SEC63: variants seen among roughly 807,000 people sequenced by gnomAD.
SEC63 encodes the protein SEC63 protein translocation regulator.
In SEC63, 56 loss-of-function variants were observed where a neutral mutation model predicts 116.2. That is an observed-to-expected ratio of 0.48 (90% CI 0.39 to 0.60). The LOEUF (loss-of-function observed/expected upper bound fraction) is 0.60. Ranked by LOEUF, SEC63 falls within the 20% of genes least tolerant of loss-of-function variation. The pLI is 0.00. For missense variants in SEC63, 668 were observed against 900.0 expected, an observed-to-expected ratio of 0.74 and a Z score of 3.30; for synonymous variants, 273 against 294.6, an observed-to-expected ratio of 0.93 and a Z score of 0.75.
Position 107,958,202 on chromosome 6 carries a change from G to A in SEC63, c.-193C>T. Reference sequence around the variant, plus strand: ...GCTGCCGCCGCCGTCGCCAGCTCTCGCGAGAGGAGATAGTTCCCGCCCCGC... The same window carrying A: ...GCTGCCGCCGCCGTCGCCAGCTCTCACGAGAGGAGATAGTTCCCGCCCCGC... On this transcript the variant is annotated 5_prime_UTR_variant, in exon 1 of 21. Transcript: ENST00000369002. The A allele has an allele frequency of 2.6e-6, 2 of 775,928 alleles. No homozygotes were observed. Among genetic ancestry groups the A allele is most frequent in the East Asian group, 2.8e-5 (1 of 36,254 alleles). 48.1% of individuals were successfully genotyped at this position (775,928 alleles called of 1,614,324 possible).
At chr6:107,901,139 A>G (rs912424100) in intron 13 of SEC63, among the ~76,000 whole-genome samples, 2 of 152,248 alleles carry the variant, frequency 1.3e-5, no homozygotes, top group African/African-American at 4.8e-5. Context: ...CAGAGTGTTC[A>G]GACTTCATCC....
At chr6:107,875,666 C>CTCCAA (rs1045120304) in intron 19 of SEC63, among the ~76,000 whole-genome samples, 5 of 152,068 alleles carry the variant, frequency 3.3e-5, no homozygotes, top group Non-Finnish European at 5.9e-5. Context: ...TACCACTGCA[C>CTCCAA]TCCAGCCTGG....
At chr6:107,902,706 A>G (rs1011658011) in intron 12 of SEC63, 138 bp downstream of exon 12, 7 of 809,200 alleles carry the variant, frequency 8.7e-6, no homozygotes, top group South Asian at 1.6e-5. Context: ...GAACCACCTG[A>G]GAGAAAGTTT....
rs1786035942 is a variant in SEC63 at position 107,868,096 on chromosome 6, A to G, written c.*3608T>C. The G allele has an allele frequency of 7.1e-6, 1 of 141,066 alleles. No homozygotes were observed. Among genetic ancestry groups the G allele is most frequent in the Non-Finnish European group, 1.5e-5 (1 of 65,582 alleles). The allele number at this position is 141,066 out of a possible 1,614,324, so 8.7% of individuals were successfully genotyped here. A position where few individuals can be genotyped will look rare whatever the true frequency, so the allele number is the denominator to read the frequency against. On this transcript the variant is annotated 3_prime_UTR_variant, in exon 21 of 21. Transcript: ENST00000369002. ...ATGCTTGGTGCTAACTTCTTGAGAC[A>G]TATTTGGACTAATCACTACACAGCT...
intron 16 of SEC63, among the ~76,000 whole-genome samples, chr6:107,887,611 G>T (rs1350064043): frequency 2.6e-5 from 4 of 151,702 alleles, no homozygotes; most frequent in South Asian, 2.1e-4. Flanking sequence ...GGTGGGGGAA[G>T]GGGGGAGGGA....
chr6:107,903,118 A>G lies in SEC63; in HGVS notation c.1055-120T>C, dbSNP rs1030212869. The G allele has an allele frequency of 1.4e-5, 14 of 1,012,920 alleles. No individual in the cohort carries two copies. In the East Asian group the frequency reaches 3.6e-4, roughly 26 times the overall value. The allele number at this position is 1,012,920 out of a possible 1,614,324, so 62.7% of individuals were successfully genotyped here. Reference sequence around the variant, plus strand: ...ATAACACCTCAAATTTGAGGATCATAGTAAGATTTTCCTTTAAAAGTTACC... The same window carrying G: ...ATAACACCTCAAATTTGAGGATCATGGTAAGATTTTCCTTTAAAAGTTACC... On this transcript the variant is annotated intron_variant, in intron 11 of 20. Coordinates refer to ENST00000369002, the MANE Select transcript of SEC63 (RefSeq NM_007214.5).
At chr6:107,927,326 A>G (rs1200386795) in intron 2 of SEC63, among the ~76,000 whole-genome samples, 3 of 152,140 alleles carry the variant, frequency 2.0e-5, no homozygotes, top group Non-Finnish European at 2.9e-5. Flanking sequence ...TCGGCCTCCC[A>G]AAGTGCTCGG....
chr6:107,905,466 G>A (rs77380705), intron 10 of SEC63, among the ~76,000 whole-genome samples: 1 of 152,214 alleles, frequency 6.6e-6, no homozygotes, highest in African/African-American at 2.4e-5. Context: ...CATTCAAAAA[G>A]AACATTTATT....
At chr6:107,894,256 C>T (rs1786762492) in intron 14 of SEC63, among the ~76,000 whole-genome samples, 1 of 152,138 alleles carries the variant, frequency 6.6e-6, no homozygotes, top group African/African-American at 2.4e-5. Flanking sequence ...TGCATTAAAA[C>T]CTTGACAATA....
chr6:107,910,173 A>G (rs1787242539), intron 7 of SEC63, among the ~76,000 whole-genome samples: 1 of 152,204 alleles, frequency 6.6e-6, no homozygotes, highest in Non-Finnish European at 1.5e-5. Context: ...AACTTTAAAT[A>G]TATCTGTGTC....
At chr6:107,932,561 A>AAT (rs1197727216) in intron 1 of SEC63, among the ~76,000 whole-genome samples, 4 of 152,210 alleles carry the variant, frequency 2.6e-5, no homozygotes, top group Non-Finnish European at 5.9e-5. Context: ...TGAATAAGTT[A>AAT]ATATATTAAA....
chr6:107,908,997 G>A lies in SEC63; in HGVS notation c.663C>T (p.Asp221=), dbSNP rs1359233078. ...TCTGTGTTGTGCGTATTAGAATCTG[G>A]TCTCCACTATAGCGTATTGAGCGAT... is the stretch of plus-strand genomic sequence containing the variant. The part of the protein sequence containing the change: ...WWYRSIRYSG[D]QILIRTTQIY... The change falls in exon 8 of 21, where the codon GAC becomes GAT. Residue 221 remains aspartate, a synonymous_variant. Coordinates refer to ENST00000369002, the MANE Select transcript of SEC63 (RefSeq NM_007214.5). The A allele has an allele frequency of 3.7e-6, 6 of 1,612,966 alleles. No individual in the cohort carries two copies. In the South Asian group the frequency reaches 6.6e-5, roughly 18 times the overall value.
intron 1 of SEC63, among the ~76,000 whole-genome samples, chr6:107,946,083 T>G (rs149805990): frequency 0.015 from 2,237 of 151,722 alleles, 66 homozygotes; most frequent in African/African-American, 0.051. Flanking sequence ...ACTACAAGCG[T>G]GTACCACCAT....
In SEC63 at chr6:107,870,321, T is replaced by C. The variant is rs1216260767; in HGVS notation, c.*1383A>G. The stretch of plus-strand genomic sequence containing the variant: ...AAAAAACCATTCATGGTTTTGCTAA[T>C]TTTCACATTTTATTTCCAACTATTG... On this transcript the variant is annotated 3_prime_UTR_variant, in exon 21 of 21. Transcript: ENST00000369002. 6.6e-6 allele frequency: 1 copy of C among 152,634 alleles called. No individual in the cohort carries two copies. Among genetic ancestry groups the C allele is most frequent in the Non-Finnish European group, 1.5e-5 (1 of 68,028 alleles). The allele number at this position is 152,634 out of a possible 1,614,324, so 9.5% of individuals were successfully genotyped here. A position where few individuals can be genotyped will look rare whatever the true frequency, so the allele number is the denominator to read the frequency against.
At chr6:107,899,577 A>G (rs965201748) in intron 13 of SEC63, among the ~76,000 whole-genome samples, 4 of 151,984 alleles carry the variant, frequency 2.6e-5, no homozygotes, top group Non-Finnish European at 5.9e-5. Context: ...TTAGCTGGGC[A>G]TGGTGGTGGC....
At chr6:107,888,656 T>A (rs988735049) in intron 16 of SEC63, among the ~76,000 whole-genome samples, 16 of 152,330 alleles carry the variant, frequency 1.1e-4, no homozygotes, top group Admixed American at 4.6e-4. Flanking sequence ...AGAGAGGGCA[T>A]CCTTGTCTTG....
chr6:107,909,233 C>A, intron 7 of SEC63, 198 bp from the exon 8 acceptor site: 2 of 472,646 alleles, frequency 4.2e-6, no homozygotes, highest in South Asian at 4.1e-5. Context: ...CAAACATTAG[C>A]TGGGCATGGT....
intron 1 of SEC63, among the ~76,000 whole-genome samples, chr6:107,936,608 A>G (rs3800217): frequency 0.78 from 118,338 of 152,146 alleles, 47,108 homozygotes; most frequent in South Asian, 0.9. Flanking sequence ...AACAATATAA[A>G]TAATGTGTCA....
chr6:107,880,996 G>T lies in SEC63; in HGVS notation c.1935+153C>A, dbSNP rs190819718. 7.7e-6 allele frequency: 5 copies of T among 647,054 alleles called. No individual in the cohort carries two copies. The Admixed American group carries it at 1.2e-4, about 16-fold the overall frequency. 40.1% of individuals were successfully genotyped at this position (647,054 alleles called of 1,614,324 possible). A position where few individuals can be genotyped will look rare whatever the true frequency, so the allele number is the denominator to read the frequency against. ...ACGTTCACTAAGTATAATACCTATT[G>T]TAATATTCCCTTTTAAAAATATGGC... On this transcript the variant is annotated intron_variant, in intron 18 of 20. Transcript: ENST00000369002.
Sources: gnomAD v4.1 joint callset for allele counts (sites outside exome capture counted in the v4.1 genomes callset) on GRCh38, gnomAD v4.1.1 for gene constraint, MANE v1.5 for transcripts, NCBI Gene and HGNC (gene_info 2026-07-23, HGNC 2026-07-21) for gene names.